The following KCNJ6 variants were observed in gnomAD, a reference collection of about 807,000 sequenced individuals.
The protein encoded by KCNJ6 is potassium inwardly rectifying channel subfamily J member 6.
In KCNJ6, 9 loss-of-function variants were observed where a neutral mutation model predicts 34.2. That is an observed-to-expected ratio of 0.26 (90% CI 0.16 to 0.46). The LOEUF is 0.46. Among genes scored for constraint, KCNJ6 ranks in the 20% least tolerant of loss-of-function variants. The pLI is 1.00. For missense variants in KCNJ6, 236 were observed against 531.3 expected, an observed-to-expected ratio of 0.44 and a Z score of 5.46; for synonymous variants, 196 against 207.1, an observed-to-expected ratio of 0.95 and a Z score of 0.46.
chr21:37,846,549 G>A (rs990652572), intron 1 of KCNJ6, among the ~76,000 whole-genome samples: 3 of 152,018 alleles, frequency 2.0e-5, no homozygotes, highest in Non-Finnish European at 2.9e-5. Context: ...CTGCATTTTC[G>A]GTGGTGCTGC....
At chr21:37,851,880 G>A (rs1331274554) in intron 1 of KCNJ6, among the ~76,000 whole-genome samples, 2 of 151,426 alleles carry the variant, frequency 1.3e-5, no homozygotes, top group African/African-American at 4.8e-5. Context: ...GAATAACATG[G>A]GAGTGAGCTC....
In KCNJ6 at chr21:37,616,587, G is replaced by GTACATATA. The variant is rs2054267542; in HGVS notation, c.*8564_*8571dup. 1 of 18,376 alleles carries GTACATATA rather than the reference G, an allele frequency of 5.4e-5. No homozygotes were observed. The highest frequency in any genetic ancestry group is 9.2e-5 in the Non-Finnish European group (1 of 10,840). 1.1% of individuals were successfully genotyped at this position (18,376 alleles called of 1,614,324 possible). A position where few individuals can be genotyped will look rare whatever the true frequency, so the allele number is the denominator to read the frequency against. Reference sequence around the variant, plus strand: ...GGCAATTATGAAGCAGGAACAAAATGTACATATATATATATATATATATAT... The same window carrying GTACATATA: ...GGCAATTATGAAGCAGGAACAAAATGTACATATATACATATATATATATATATATATAT... On this transcript the variant is annotated 3_prime_UTR_variant, in exon 4 of 4. Coordinates refer to ENST00000609713, the MANE Select transcript of KCNJ6 (RefSeq NM_002240.5).
intron 2 of KCNJ6, among the ~76,000 whole-genome samples, chr21:37,716,570 C>T (rs111794184): frequency 2.0e-5 from 3 of 151,658 alleles, no homozygotes; most frequent in Admixed American, 6.6e-5. Flanking sequence ...TTCATGGAGA[C>T]GGGGGTCTCA....
At chr21:37,881,707 A>C (rs1467931351) in intron 1 of KCNJ6, among the ~76,000 whole-genome samples, 1 of 151,966 alleles carries the variant, frequency 6.6e-6, no homozygotes, top group Non-Finnish European at 1.5e-5. Flanking sequence ...CACCTATCCT[A>C]TTGCCCTCAT....
intron 1 of KCNJ6, among the ~76,000 whole-genome samples, chr21:37,911,024 G>A (rs889061072): frequency 6.6e-6 from 1 of 152,074 alleles, no homozygotes; most frequent in African/African-American, 2.4e-5. Context: ...GTTTAGAGAG[G>A]ATACAGACTC....
At chr21:37,680,656 C>T (rs533574333) in intron 3 of KCNJ6, among the ~76,000 whole-genome samples, 21 of 152,280 alleles carry the variant, frequency 1.4e-4, no homozygotes, top group African/African-American at 5.1e-4. Context: ...CCTGACTGTA[C>T]TACAGCTGGG....
chr21:37,761,863 G>A lies in KCNJ6; in HGVS notation c.26-46732C>T, dbSNP rs1283440230. Among the ~76,000 whole-genome samples, 3 of 152,088 alleles carry A rather than the reference G, an allele frequency of 2.0e-5. No individual in the cohort carries two copies. The South Asian group carries it at 6.2e-4, about 31-fold the overall frequency. On this transcript the variant is annotated intron_variant, in intron 2 of 3. Coordinates refer to ENST00000609713, the MANE Select transcript of KCNJ6 (RefSeq NM_002240.5). ...GTGTCTGTGTGCGGTGCATGTTCAT[G>A]CACTCACTTTTGCACCTGCAACCCA...
intron 3 of KCNJ6, among the ~76,000 whole-genome samples, chr21:37,661,706 T>C (rs1280157743): frequency 7.1e-6 from 1 of 141,808 alleles, no homozygotes; most frequent in Non-Finnish European, 1.5e-5. Flanking sequence ...CACTGCAAGC[T>C]CCGCCTCCCA....
chr21:37,743,941 G>A (rs888494989), intron 2 of KCNJ6, among the ~76,000 whole-genome samples: 6 of 151,786 alleles, frequency 4.0e-5, no homozygotes, highest in African/African-American at 1.5e-4. Context: ...GAAGATTTTT[G>A]TGGGGAGTGA....
chr21:37,855,033 CCA>C (rs2055557656), intron 1 of KCNJ6, among the ~76,000 whole-genome samples: 1 of 152,134 alleles, frequency 6.6e-6, no homozygotes. Flanking sequence ...ATAGAATTTG[CCA>C]CACAACAACA....
intron 2 of KCNJ6, among the ~76,000 whole-genome samples, chr21:37,755,126 C>T (rs1402461496): frequency 1.3e-5 from 2 of 152,062 alleles, no homozygotes; most frequent in Admixed American, 6.5e-5. Flanking sequence ...AAGAAGTTTG[C>T]AAGTGTCTTA....
intron 1 of KCNJ6, among the ~76,000 whole-genome samples, chr21:37,870,085 G>A (rs892808934): frequency 6.6e-6 from 1 of 152,236 alleles, no homozygotes; most frequent in South Asian, 2.1e-4. Flanking sequence ...TGGGCATCTT[G>A]CATAGAAACA....
intron 3 of KCNJ6, among the ~76,000 whole-genome samples, chr21:37,669,142 T>C (rs903490522): frequency 2.0e-5 from 3 of 152,210 alleles, no homozygotes; most frequent in African/African-American, 7.2e-5. Flanking sequence ...TCTAGGTCTT[T>C]AGATAATAAC....
chr21:37,837,748 T>A (rs1029607076), intron 2 of KCNJ6, among the ~76,000 whole-genome samples: 2 of 152,138 alleles, frequency 1.3e-5, no homozygotes, highest in Non-Finnish European at 2.9e-5. Flanking sequence ...TGGCCATGGT[T>A]TATGTTCCCA....
At chr21:37,659,142 T>G (rs2054477093) in intron 3 of KCNJ6, among the ~76,000 whole-genome samples, 1 of 152,238 alleles carries the variant, frequency 6.6e-6, no homozygotes, top group Non-Finnish European at 1.5e-5. Context: ...GGGCCCCTGG[T>G]GGAGTCCAGA....
In KCNJ6 at chr21:37,838,187, T is replaced by G. The variant is rs532020436; in HGVS notation, c.25+2471A>C. Reference sequence around the variant, plus strand: ...TTTGATAGAATTCTCTTATGACAGTTGATTCACAGACCAAAATCATTAGAG... The same window carrying G: ...TTTGATAGAATTCTCTTATGACAGTGGATTCACAGACCAAAATCATTAGAG... On this transcript the variant is annotated intron_variant, in intron 2 of 3. Transcript: ENST00000609713. Among the ~76,000 whole-genome samples, 10 of 152,316 alleles carry G rather than the reference T, an allele frequency of 6.6e-5. No individual in the cohort carries two copies. The South Asian group carries it at 1.0e-3, about 16-fold the overall frequency.
intron 2 of KCNJ6, among the ~76,000 whole-genome samples, chr21:37,722,677 G>C (rs1433064397): frequency 6.6e-6 from 1 of 152,168 alleles, no homozygotes; most frequent in East Asian, 1.9e-4. Flanking sequence ...ACAAAAATAA[G>C]CAGTGGGGAA....
At chr21:37,842,567 A>G (rs2055486360) in intron 1 of KCNJ6, among the ~76,000 whole-genome samples, 1 of 152,202 alleles carries the variant, frequency 6.6e-6, no homozygotes, top group South Asian at 2.1e-4. Flanking sequence ...AGAAGGAGCT[A>G]AGGAGCTGTA....
chr21:37,704,909 AC>A (rs1442223946), intron 3 of KCNJ6, among the ~76,000 whole-genome samples: 3 of 151,838 alleles, frequency 2.0e-5, no homozygotes, highest in Non-Finnish European at 4.4e-5. Flanking sequence ...TTTGGGTTAT[AC>A]TTGGCACGGC....
Sources: gnomAD v4.1 joint callset for allele counts (sites outside exome capture counted in the v4.1 genomes callset) on GRCh38, gnomAD v4.1.1 for gene constraint, MANE v1.5 for transcripts, NCBI Gene and HGNC (gene_info 2026-07-23, HGNC 2026-07-21) for gene names.